The following DNAH2 variants were observed in gnomAD, a reference collection of about 807,000 sequenced individuals.
DNAH2 encodes dynein axonemal heavy chain 2, also known as axonemal beta dynein heavy chain 2.
Under a neutral mutation model 523.5 loss-of-function variants are expected in DNAH2, and 323 were observed. The ratio of observed to expected loss-of-function variants is 0.62; its 90% CI spans 0.56 to 0.68. The LOEUF (loss-of-function observed/expected upper bound fraction) is 0.68, where lower values mean the gene tolerates loss of function less well. Ranked by LOEUF, DNAH2 falls within the 30% of genes least tolerant of loss-of-function variation. DNAH2 has a pLI of 0.00. For missense variants in DNAH2, 4,907 were observed against 5,701.5 expected (o/e 0.86, Z 4.49); for synonymous variants, 2,093 against 2,177.4 (o/e 0.96, Z 1.08).
chr17:7,752,193 A>ACACACACACACACACACT (rs2075705603), intron 12 of DNAH2, among the ~76,000 whole-genome samples: 1 of 151,684 alleles, frequency 6.6e-6, no homozygotes. Flanking sequence ...ACACACACAC[A>ACACACACACACACACACT]CAATTTCTGA....
chr17:7,742,217 G>T (rs992119342), intron 11 of DNAH2, among the ~76,000 whole-genome samples: 2 of 152,010 alleles, frequency 1.3e-5, no homozygotes, highest in African/African-American at 4.8e-5. Context: ...ATCATTTGAA[G>T]TTAGGAGTTC....
intron 2 of DNAH2, among the ~76,000 whole-genome samples, chr17:7,720,700 G>C (rs188539114): frequency 8.5e-4 from 129 of 152,314 alleles, no homozygotes; most frequent in Non-Finnish European, 1.4e-3. Context: ...TAAAATTAAA[G>C]GTTGAGAGGT....
Position 7,765,668 on chromosome 17 carries a change from G to T in DNAH2, c.3511+103G>T, listed in dbSNP as rs567823841. On this transcript the variant is annotated intron_variant, in intron 21 of 85. Transcript: ENST00000572933. ...GCGAGAACTGGGAGGGGAGGAGGAG[G>T]GTCGGTGCTGGGGTGGGGGAAGAGC... 2.2e-6 allele frequency: 3 copies of T among 1,376,170 alleles called. No individual in the cohort carries two copies. In the South Asian group the frequency reaches 4.1e-5, roughly 19 times the overall value. The allele number at this position is 1,376,170 out of a possible 1,614,324, so 85.2% of individuals were successfully genotyped here.
At chr17:7,803,060 G>A (rs2077266954) in intron 58 of DNAH2, among the ~76,000 whole-genome samples, 2 of 152,162 alleles carry the variant, frequency 1.3e-5, no homozygotes, top group Admixed American at 6.5e-5. Flanking sequence ...GACACCAGAT[G>A]TGGTGGGGAT....
Position 7,787,180 on chromosome 17 carries a change from C to T in DNAH2, c.6603+147C>T, listed in dbSNP as rs1023602513. On this transcript the variant is annotated intron_variant, in intron 42 of 85. Transcript: ENST00000572933. ...GGTGGATGCCTGGATTCAGGGAAAC[C>T]TGCAGCTGAAGAAAAATGCTTTGCT... 1.1e-5 allele frequency: 11 copies of T among 1,025,494 alleles called. No individual in the cohort carries two copies. The African/African-American group carries it at 1.5e-4, about 14-fold the overall frequency. The allele number at this position is 1,025,494 out of a possible 1,614,324, so 63.5% of individuals were successfully genotyped here. A position where few individuals can be genotyped will look rare whatever the true frequency, so the allele number is the denominator to read the frequency against.
At chr17:7,727,057 T>C in intron 3 of DNAH2, 65 bp from the exon 4 acceptor site, 2 of 1,465,270 alleles carry the variant, frequency 1.4e-6, no homozygotes, top group Admixed American at 2.6e-5. Flanking sequence ...CTTGTGATTG[T>C]GGATGGGAGG....
chr17:7,784,174 G>C (rs1412980688), intron 39 of DNAH2, among the ~76,000 whole-genome samples: 1 of 152,094 alleles, frequency 6.6e-6, no homozygotes, highest in Non-Finnish European at 1.5e-5. Context: ...AACAATTCTA[G>C]ATTTTTGTGC....
intron 12 of DNAH2, among the ~76,000 whole-genome samples, chr17:7,750,257 T>C (rs2075647076): frequency 6.6e-6 from 1 of 152,104 alleles, no homozygotes; most frequent in Non-Finnish European, 1.5e-5. Flanking sequence ...TCCCTTTGAG[T>C]AGTATTTTTC....
intron 58 of DNAH2, among the ~76,000 whole-genome samples, chr17:7,803,281 C>T (rs1469964512): frequency 6.6e-6 from 1 of 152,152 alleles, no homozygotes; most frequent in African/African-American, 2.4e-5. Flanking sequence ...TTCCCACCAC[C>T]CCCTTGTCAG....
rs1344140879 is a variant in DNAH2, at chr17:7,831,936, T to C, written c.12726+161T>C. ...GTTAAAACCTGGCTCTGCCATTCATTGACTGACTTCATACAACTTATTAAC... is the reference window on the plus strand; with the variant it reads ...GTTAAAACCTGGCTCTGCCATTCATCGACTGACTTCATACAACTTATTAAC... On this transcript the variant is annotated intron_variant, in intron 82 of 85. Transcript: ENST00000572933. This position sits in a 1 kb window ranked among gnomAD's most constrained non-coding sequence, Gnocchi z 4.2. Among the ~76,000 whole-genome samples the C allele has an allele frequency of 6.6e-5, 10 of 152,192 alleles. No individual in the cohort carries two copies. Among genetic ancestry groups the C allele is most frequent in the Admixed American group, 3.9e-4 (6 of 15,280 alleles).
chr17:7,723,019 G>C (rs2074670555), intron 2 of DNAH2, among the ~76,000 whole-genome samples: 1 of 144,318 alleles, frequency 6.9e-6, no homozygotes, highest in Admixed American at 7.1e-5. Context: ...GCCCAGGCTG[G>C]AGTGCAGTGG....
intron 4 of DNAH2, among the ~76,000 whole-genome samples, chr17:7,732,015 G>A (rs552262762): frequency 7.7e-6 from 1 of 130,124 alleles, no homozygotes; most frequent in African/African-American, 3.0e-5. Context: ...GGCAACAACA[G>A]CGAAACTTCG....
chr17:7,798,760 C>T lies in DNAH2; in HGVS notation c.8559+42C>T. On this transcript the variant is annotated intron_variant, in intron 55 of 85. Transcript: ENST00000572933. The surrounding 1 kb of genome is among the most constrained non-coding windows in gnomAD (Gnocchi z 5.5). Reference sequence around the variant, plus strand: ...ACCCTTGACCAGTCAGTTCTTTGGCCTGCCTAGCTGACCCCAGAAGGACCA... The same window carrying T: ...ACCCTTGACCAGTCAGTTCTTTGGCTTGCCTAGCTGACCCCAGAAGGACCA... 6.3e-7 allele frequency: 1 copy of T among 1,586,444 alleles called. No homozygotes were observed. The highest frequency in any genetic ancestry group is 8.6e-7 in the Non-Finnish European group (1 of 1,167,530).
intron 12 of DNAH2, among the ~76,000 whole-genome samples, chr17:7,756,101 G>A (rs2075827673): frequency 6.6e-6 from 1 of 151,770 alleles, no homozygotes; most frequent in Non-Finnish European, 1.5e-5. Context: ...TTAGCTGGGT[G>A]TGGTGGTGGG....
chr17:7,738,143 T>C (rs1408396686), intron 8 of DNAH2: 1 of 702,534 alleles, frequency 1.4e-6, no homozygotes, highest in Non-Finnish European at 2.6e-6. Flanking sequence ...TCCCCTAACA[T>C]CCCATGTCTC....
At chr17:7,792,371 G>A in intron 46 of DNAH2, 28 bp downstream of exon 46, 1 of 1,609,310 alleles carries the variant, frequency 6.2e-7, no homozygotes. Context: ...GTGTGAGGAG[G>A]GCATGGGGCA....
Position 7,793,025 on chromosome 17 carries a change from G to C in DNAH2, c.7389G>C (p.Glu2463Asp). The change falls in exon 48 of 86, where the codon GAG becomes GAC. Residue 2463 changes from glutamate (E) to aspartate (D), a missense_variant. By Grantham distance (45) the Glu-to-Asp change is conservative. Transcript: ENST00000572933. Reference sequence around the variant, plus strand: ...AGAGCATCATTGAGAGCAGGGTTGAGAAGCGAACCAAGGGTGTCTACGTGC... The same window carrying C: ...AGAGCATCATTGAGAGCAGGGTTGACAAGCGAACCAAGGGTGTCTACGTGC... ...NVQSIIESRV[E>D]KRTKGVYVPF... 6.2e-7 allele frequency: 1 copy of C among 1,614,004 alleles called. No individual in the cohort carries two copies. The highest frequency in any genetic ancestry group is 8.5e-7 in the Non-Finnish European group (1 of 1,179,912).
intron 52 of DNAH2, 52 bp from the exon 53 acceptor site, chr17:7,797,628 G>C (rs1057277474): frequency 2.9e-5 from 47 of 1,613,746 alleles, no homozygotes; most frequent in Middle Eastern, 1.7e-4. Context: ...AGCCCTGTGG[G>C]GGGAGGCAAA....
intron 12 of DNAH2, among the ~76,000 whole-genome samples, chr17:7,746,887 T>C (rs1017025717): frequency 2.6e-5 from 4 of 151,630 alleles, no homozygotes; most frequent in Admixed American, 6.6e-5. Flanking sequence ...CTTGGGAGGC[T>C]GAGGCAGGAG....
Sources: gnomAD v4.1 joint callset for allele counts (sites outside exome capture counted in the v4.1 genomes callset) on GRCh38, gnomAD v4.1.1 for gene constraint, Gnocchi (gnomAD v3.1) non-coding constraint, MANE v1.5 for transcripts, NCBI Gene and HGNC (gene_info 2026-07-23, HGNC 2026-07-21) for gene names.